Variants in GRID2 observed in about 807,000 individuals in gnomAD.
GRID2 encodes glutamate ionotropic receptor delta type subunit 2.
In GRID2, 33 loss-of-function variants were observed where a neutral mutation model predicts 114.8. The observed-to-expected ratio is 0.29, with a 90% CI of 0.22 to 0.38. GRID2 has a LOEUF of 0.38. Among genes scored for constraint, GRID2 ranks in the 10% least tolerant of loss-of-function variants. GRID2 has a pLI of 1.00. For missense variants in GRID2, 1,184 were observed against 1,257.7 expected (o/e 0.94, Z 0.89); for synonymous variants, 505 against 449.9 (o/e 1.12, Z -1.55).
At chr4:92,353,744 C>G (rs1416960798) in intron 1 of GRID2, among the ~76,000 whole-genome samples, 1 of 152,026 alleles carries the variant, frequency 6.6e-6, no homozygotes, top group Non-Finnish European at 1.5e-5. Flanking sequence ...TTGCACTGAA[C>G]ATATGGATCA....
intron 2 of GRID2, among the ~76,000 whole-genome samples, chr4:92,957,336 G>T (rs961246337): frequency 6.6e-6 from 1 of 151,980 alleles, no homozygotes; most frequent in African/African-American, 2.4e-5. Flanking sequence ...TGTAAAAGGT[G>T]TAAGGTTTAT....
intron 1 of GRID2, among the ~76,000 whole-genome samples, chr4:92,330,103 A>G (rs1726805860): frequency 2.0e-5 from 3 of 152,194 alleles, no homozygotes; most frequent in South Asian, 4.2e-4. Context: ...TGAGTAAGGT[A>G]GATTAGTTCA....
At chr4:92,768,074 G>A (rs984510019) in intron 2 of GRID2, among the ~76,000 whole-genome samples, 18 of 151,996 alleles carry the variant, frequency 1.2e-4, no homozygotes, top group Admixed American at 3.9e-4. Context: ...GACATATTGA[G>A]CAATACTAAA....
At chr4:93,291,163 G>A (rs1753719808) in intron 8 of GRID2, among the ~76,000 whole-genome samples, 2 of 151,692 alleles carry the variant, frequency 1.3e-5, no homozygotes, top group Admixed American at 1.3e-4. Flanking sequence ...GTAAGCCACC[G>A]TGCCCGGCCG....
At chr4:93,192,402 A>T (rs1175865941) in intron 4 of GRID2, among the ~76,000 whole-genome samples, 1 of 152,182 alleles carries the variant, frequency 6.6e-6, no homozygotes, top group Non-Finnish European at 1.5e-5. Context: ...ATAGTGTAAG[A>T]TACAAGATTT....
intron 13 of GRID2, among the ~76,000 whole-genome samples, chr4:93,551,424 G>A (rs1733741971): frequency 6.6e-6 from 1 of 152,126 alleles, no homozygotes; most frequent in South Asian, 2.1e-4. Context: ...CCAGAAGAGG[G>A]AAAGGCTAGC....
rs180785935 is a variant in GRID2 at position 93,718,195 on chromosome 4, G to A, written c.2361-51015G>A. 1.5e-3 allele frequency among the ~76,000 whole-genome samples: 229 copies of A among 152,296 alleles called. 4 individuals are homozygous for A. The highest frequency in any genetic ancestry group is 2.2e-3 in the Non-Finnish European group (150 of 68,014). On this transcript the variant is annotated intron_variant, in intron 14 of 15. Transcript: ENST00000282020. ...ATTTCAAAATAAGATACATATGGAT[G>A]TGTACTTGTATATATACCCCTATAT...
chr4:93,170,854 C>T (rs914354615), intron 4 of GRID2, among the ~76,000 whole-genome samples: 2 of 145,780 alleles, frequency 1.4e-5, no homozygotes, highest in Admixed American at 6.9e-5. Flanking sequence ...ATGTTTGATT[C>T]TTTTTTTTTT....
chr4:92,328,822 A>G (rs1176771456), intron 1 of GRID2, among the ~76,000 whole-genome samples: 3 of 152,080 alleles, frequency 2.0e-5, no homozygotes, highest in Admixed American at 1.3e-4. Context: ...TAACTGCTAC[A>G]GCTAAGGATT....
rs934158882 is a variant in GRID2, at chr4:93,463,795, C to T, written c.1858+7821C>T. Among the ~76,000 whole-genome samples the T allele has an allele frequency of 3.3e-5, 5 of 152,112 alleles. No individual in the cohort carries two copies. The South Asian group carries it at 6.2e-4, about 19-fold the overall frequency. Reference sequence around the variant, plus strand: ...AGGAGGTCAGGAGATCGAGACCATCCTGGCTAACATGGTGAAACCCTGTCT... The same window carrying T: ...AGGAGGTCAGGAGATCGAGACCATCTTGGCTAACATGGTGAAACCCTGTCT... On this transcript the variant is annotated intron_variant, in intron 11 of 15. Transcript: ENST00000282020.
At chr4:92,922,238 C>G (rs952215549) in intron 2 of GRID2, among the ~76,000 whole-genome samples, 1 of 151,986 alleles carries the variant, frequency 6.6e-6, no homozygotes, top group African/African-American at 2.4e-5. Context: ...TTCCAGGTGC[C>G]ATCGTCACCC....
At chr4:92,754,886 TCATTTA>T (rs1027504771) in intron 2 of GRID2, among the ~76,000 whole-genome samples, 2 of 152,254 alleles carry the variant, frequency 1.3e-5, no homozygotes, top group Non-Finnish European at 2.9e-5. Flanking sequence ...TATCTCATTT[TCATTTA>T]CATCTATTGT....
intron 13 of GRID2, among the ~76,000 whole-genome samples, chr4:93,545,541 G>A (rs1057287100): frequency 7.2e-5 from 11 of 152,144 alleles, no homozygotes; most frequent in Admixed American, 7.2e-4. Context: ...GTGATTAGGA[G>A]TTTGAATCTT....
intron 2 of GRID2, among the ~76,000 whole-genome samples, chr4:92,758,938 T>G (rs1737856791): frequency 6.6e-6 from 1 of 152,308 alleles, no homozygotes; most frequent in African/African-American, 2.4e-5. Context: ...TTGTAACTTC[T>G]TTCTGCAAAC....
chr4:93,597,489 G>A (rs915803508), intron 13 of GRID2, among the ~76,000 whole-genome samples: 1 of 152,130 alleles, frequency 6.6e-6, no homozygotes, highest in Non-Finnish European at 1.5e-5. Context: ...GTTTATGTAT[G>A]AGATTGTTTT....
At chr4:92,845,394 G>T (rs1743235614) in intron 2 of GRID2, among the ~76,000 whole-genome samples, 1 of 152,030 alleles carries the variant, frequency 6.6e-6, no homozygotes, top group Admixed American at 6.6e-5. Flanking sequence ...TGAAATATCT[G>T]TAGAGGGCTT....
chr4:93,354,671 C>T (rs1264501073), intron 8 of GRID2, among the ~76,000 whole-genome samples: 5 of 130,284 alleles, frequency 3.8e-5, no homozygotes, highest in East Asian at 4.5e-4. Context: ...GTGGCTCATC[C>T]GTGTGTGTGT....
At chr4:93,012,098 A>T (rs76112290) in intron 2 of GRID2, among the ~76,000 whole-genome samples, 1 of 151,232 alleles carries the variant, frequency 6.6e-6, no homozygotes, top group South Asian at 2.1e-4. Context: ...AAAAAAAAAA[A>T]CATGTATAGT....
chr4:92,496,696 T>G (rs1041839274), intron 1 of GRID2, among the ~76,000 whole-genome samples: 1 of 151,092 alleles, frequency 6.6e-6, no homozygotes. Flanking sequence ...AATAATATAA[T>G]TTGACATTTA....
Sources: allele counts gnomAD v4.1 joint callset (sites outside exome capture counted in the v4.1 genomes callset), GRCh38; gene constraint gnomAD v4.1.1; transcripts MANE v1.5; gene names NCBI Gene and HGNC (gene_info 2026-07-23, HGNC 2026-07-21).